KIAA1958: variants seen among roughly 807,000 people sequenced by gnomAD.
KIAA1958 encodes the protein KIAA1958.
Under a neutral mutation model 47.2 loss-of-function variants are expected in KIAA1958, and 14 were observed. The ratio of observed to expected loss-of-function variants is 0.30; its 90% CI spans 0.20 to 0.46. The LOEUF (loss-of-function observed/expected upper bound fraction) is 0.46. KIAA1958 is among the 20% of genes least tolerant of loss of function. KIAA1958 has a pLI of 1.00. For missense variants in KIAA1958, 803 were observed against 909.2 expected (o/e 0.88, Z 1.50); for synonymous variants, 354 against 353.3 (o/e 1.00, Z -0.02).
chr9:112,627,905 C>T (rs1836644736), intron 2 of KIAA1958, among the ~76,000 whole-genome samples: 1 of 152,210 alleles, frequency 6.6e-6, no homozygotes, highest in Admixed American at 6.5e-5. Context: ...AGGATTTTTT[C>T]ATGCCCACCT....
intron 1 of KIAA1958, among the ~76,000 whole-genome samples, chr9:112,508,424 AG>A (rs1429283045): frequency 1.3e-5 from 2 of 152,254 alleles, no homozygotes; most frequent in Non-Finnish European, 2.9e-5. Context: ...GGGAATAAAG[AG>A]GGAGAATTCA....
At chr9:112,644,918 CTGAGGTCAGCAGCT>C (rs1025279724) in intron 2 of KIAA1958, among the ~76,000 whole-genome samples, 53 of 152,188 alleles carry the variant, frequency 3.5e-4, no homozygotes, top group Middle Eastern at 3.4e-3. Flanking sequence ...GGTGGATCAC[CTGAGGTCAGCAGCT>C]TGAGACCAGC....
At chr9:112,634,169 T>C (rs1836758820) in intron 2 of KIAA1958, among the ~76,000 whole-genome samples, 3 of 152,214 alleles carry the variant, frequency 2.0e-5, no homozygotes, top group South Asian at 4.1e-4. Flanking sequence ...ATTTTAGACA[T>C]TTCAGTGAGT....
chr9:112,574,909 T>G lies in KIAA1958; in HGVS notation c.829T>G (p.Ser277Ala). 6.2e-7 allele frequency: 1 copy of G among 1,614,022 alleles called. No individual in the cohort carries two copies. Among genetic ancestry groups the G allele is most frequent in the Non-Finnish European group, 8.5e-7 (1 of 1,179,978 alleles). Residue 277 changes from serine (S) to alanine (A), a missense_variant, in exon 2 of 4, where the codon TCC (serine) becomes GCC (alanine). Transcript: ENST00000337530. ...TATGTCTGCATCCCCCTCTGTGATC[T>G]CCAGACCAATTGTCCAGAAGACTGC... ...HGMSASPSVI[S>A]RPIVQKTARV...
Position 112,667,639 on chromosome 9 carries a change from C to G in KIAA1958, c.*7570C>G, listed in dbSNP as rs1230990406. The G allele has an allele frequency of 6.6e-6, 1 of 152,148 alleles. No individual in the cohort carries two copies. The highest frequency in any genetic ancestry group is 1.5e-5 in the Non-Finnish European group (1 of 68,036). The allele number at this position is 152,148 out of a possible 1,614,324, so 9.4% of individuals were successfully genotyped here. On this transcript the variant is annotated 3_prime_UTR_variant, in exon 4 of 4. Coordinates refer to ENST00000337530, the MANE Select transcript of KIAA1958 (RefSeq NM_133465.4). ...AAACCAAAGAGCATCTGGCTTCAGA[C>G]TTCTGCTCTATAGCACCAAATGCCA...
At chr9:112,643,603 A>AT (rs1326633112) in intron 2 of KIAA1958, among the ~76,000 whole-genome samples, 3 of 152,150 alleles carry the variant, frequency 2.0e-5, no homozygotes, top group African/African-American at 7.2e-5. Flanking sequence ...AGTTTCCAGC[A>AT]TTTTTTCTTC....
intron 2 of KIAA1958, among the ~76,000 whole-genome samples, chr9:112,583,667 C>A (rs776889872): frequency 1.3e-5 from 2 of 152,046 alleles, no homozygotes; most frequent in African/African-American, 4.8e-5. Flanking sequence ...GTGTATAAAT[C>A]TTGGAAGACA....
chr9:112,511,048 G>A (rs1248052955), intron 1 of KIAA1958, among the ~76,000 whole-genome samples: 1 of 152,088 alleles, frequency 6.6e-6, no homozygotes, highest in African/African-American at 2.4e-5. Flanking sequence ...AGAGGTAGAT[G>A]TGGCACTGAG....
intron 2 of KIAA1958, among the ~76,000 whole-genome samples, chr9:112,584,154 A>C (rs1175922830): frequency 6.6e-6 from 1 of 152,214 alleles, no homozygotes; most frequent in Non-Finnish European, 1.5e-5. Context: ...CTTTACACAC[A>C]ACAGCCTGGA....
chr9:112,650,307 A>G (rs768535409), intron 3 of KIAA1958, among the ~76,000 whole-genome samples: 9 of 152,148 alleles, frequency 5.9e-5, no homozygotes, highest in Non-Finnish European at 1.0e-4. Flanking sequence ...CAAGGATCTC[A>G]CAAAGGAATG....
intron 1 of KIAA1958, among the ~76,000 whole-genome samples, chr9:112,560,681 A>G (rs1354913405): frequency 1.3e-5 from 2 of 152,334 alleles, no homozygotes; most frequent in South Asian, 2.1e-4. Flanking sequence ...AGAGCTGGTG[A>G]GCAGCATTTG....
intron 2 of KIAA1958, among the ~76,000 whole-genome samples, chr9:112,597,741 T>C (rs1351008478): frequency 6.6e-6 from 1 of 152,230 alleles, no homozygotes; most frequent in Non-Finnish European, 1.5e-5. Context: ...ATGTTTTTGT[T>C]GAATGTTGAA....
At chr9:112,652,270 T>C (rs76418102) in intron 3 of KIAA1958, among the ~76,000 whole-genome samples, 2,502 of 152,310 alleles carry the variant, frequency 0.016, 65 homozygotes, top group African/African-American at 0.056. Context: ...TTATCATCCA[T>C]AGTGAGTCTT....
At chr9:112,516,871 G>T (rs1376764173) in intron 1 of KIAA1958, among the ~76,000 whole-genome samples, 1 of 152,234 alleles carries the variant, frequency 6.6e-6, no homozygotes, top group African/African-American at 2.4e-5. Context: ...GTGCAGCCAT[G>T]TGGTGGAAGA....
At chr9:112,504,935 TTTTG>T (rs1392645867) in intron 1 of KIAA1958, among the ~76,000 whole-genome samples, 1 of 152,174 alleles carries the variant, frequency 6.6e-6, no homozygotes, top group Non-Finnish European at 1.5e-5. Context: ...TACAATACAT[TTTTG>T]TTGAAGATAG....
At chr9:112,591,653 G>A (rs1289843254) in intron 2 of KIAA1958, among the ~76,000 whole-genome samples, 2 of 151,888 alleles carry the variant, frequency 1.3e-5, no homozygotes, top group African/African-American at 4.8e-5. Context: ...AGCACTTTGG[G>A]ATTCTGAGAT....
At position 112,665,284 on chromosome 9, in the gene KIAA1958, A is replaced by C. The variant is rs1412908030; in HGVS notation, c.*5215A>C. ...ACATCTACTGATTTTTTCAAATAAA[A>C]ATTTCTAGAAGGCTCAGATTTGACT... is the stretch of plus-strand genomic sequence containing the variant. On this transcript the variant is annotated 3_prime_UTR_variant, in exon 4 of 4. Transcript: ENST00000337530. 1 of 152,144 alleles carries C rather than the reference A, an allele frequency of 6.6e-6. No individual in the cohort carries two copies. Among genetic ancestry groups the C allele is most frequent in the East Asian group, 1.9e-4 (1 of 5,202 alleles). 9.4% of individuals were successfully genotyped at this position (152,144 alleles called of 1,614,324 possible).
chr9:112,530,858 G>C (rs2132810689), intron 1 of KIAA1958, among the ~76,000 whole-genome samples: 1 of 152,262 alleles, frequency 6.6e-6, no homozygotes, highest in East Asian at 1.9e-4. Context: ...TACCAGTCAT[G>C]CTTGCCAGAA....
rs140095675 is a variant in KIAA1958, at chr9:112,635,949, TTTC to T, written c.1172-9695_1172-9693del. On this transcript the variant is annotated intron_variant, in intron 2 of 3. Coordinates refer to ENST00000337530, the MANE Select transcript of KIAA1958 (RefSeq NM_133465.4). ...TTCTTGGTACAGTTGATACTCACCT[TTTC>T]TTCTTTTGTAGCCTATGCACTAAAT... Among the ~76,000 whole-genome samples the T allele has an allele frequency of 9.0e-3, 1,368 of 151,852 alleles. 19 individuals carry two copies. Among genetic ancestry groups the T allele is most frequent in the African/African-American group, 0.031 (1,290 of 41,530 alleles).
Sources: gnomAD v4.1 joint callset for allele counts (sites outside exome capture counted in the v4.1 genomes callset) on GRCh38, gnomAD v4.1.1 for gene constraint, MANE v1.5 for transcripts, NCBI Gene and HGNC (gene_info 2026-07-23, HGNC 2026-07-21) for gene names.